HYAL4: variants seen among roughly 807,000 people sequenced by gnomAD.
HYAL4 encodes the protein hyaluronidase 4.
HYAL4 carries 37 observed loss-of-function variants against 35.2 expected under a neutral mutation model. That is an observed-to-expected ratio of 1.05 (90% CI 0.81 to 1.38). HYAL4 has a LOEUF of 1.38. Ranked by LOEUF, HYAL4 falls within the 40% of genes most tolerant of loss-of-function variation. The pLI is 0.00. For synonymous variants in HYAL4, 198 were observed against 203.2 expected (o/e 0.97, Z 0.22); for missense variants, 572 against 572.4 (o/e 1.00, Z 0.01).
chr7:123,856,411 T>C (rs375957249), intron 2 of HYAL4, among the ~76,000 whole-genome samples: 8 of 152,322 alleles, frequency 5.3e-5, no homozygotes, highest in African/African-American at 1.9e-4. Flanking sequence ...GTTGATGTTA[T>C]TGCTTTCTGT....
At chr7:123,827,950 A>G (rs182507808), upstream of HYAL4, among the ~76,000 whole-genome samples, 13 of 152,324 alleles carry the variant, frequency 8.5e-5, no homozygotes, top group East Asian at 2.5e-3. Flanking sequence ...GTATGGATCA[A>G]GGCAGACATT....
chr7:123,838,084 G>C (rs1012325391), intron 1 of HYAL4, among the ~76,000 whole-genome samples: 1 of 152,098 alleles, frequency 6.6e-6, no homozygotes, highest in Admixed American at 6.6e-5. Context: ...GATCCCTGAG[G>C]AATTGCCACA....
At chr7:123,842,226 C>G (rs1049720927), upstream of HYAL4, among the ~76,000 whole-genome samples, 2 of 152,008 alleles carry the variant, frequency 1.3e-5, no homozygotes, top group African/African-American at 4.8e-5. Context: ...AAAAGAACAT[C>G]TTTATTCCTG....
At chr7:123,789,824 A>ATG in the HYAL4 span, among the ~76,000 whole-genome samples, 3 of 151,782 alleles carry the variant, frequency 2.0e-5, no homozygotes, top group East Asian at 1.9e-4. Context: ...ATGTATGTGT[A>ATG]TGTGTGTGTG....
At chr7:123,777,956 A>G in the HYAL4 span, among the ~76,000 whole-genome samples, 3 of 151,640 alleles carry the variant, frequency 2.0e-5, no homozygotes, top group Non-Finnish European at 4.4e-5. Flanking sequence ...GGTTTTATTA[A>G]TTTATAATTG....
At chr7:123,871,317 A>G (rs1232285872) in intron 3 of HYAL4, among the ~76,000 whole-genome samples, 1 of 151,592 alleles carries the variant, frequency 6.6e-6, no homozygotes, top group Non-Finnish European at 1.5e-5. Context: ...TCAGCCTCCA[A>G]GTAGCTGAGG....
At chr7:123,838,946 C>T (rs1164094696) in intron 1 of HYAL4, among the ~76,000 whole-genome samples, 1 of 151,578 alleles carries the variant, frequency 6.6e-6, no homozygotes, top group Non-Finnish European at 1.5e-5. Context: ...TTTTGCATTT[C>T]CATAAGTGCA....
In HYAL4 at chr7:123,869,061, G is replaced by T; in HGVS notation, c.788G>T (p.Gly263Val). Residue 263 changes from glycine to valine, a missense_variant, in exon 3 of 5, where the codon GGT (glycine) becomes GTT (valine). By Grantham distance (109) the Gly-to-Val change is moderately radical (BLOSUM62 -3). Coordinates refer to ENST00000223026, the MANE Select transcript of HYAL4 (RefSeq NM_012269.3). ...AGTGCTGCTTTATATCCTTCTATCG[G>T]TGTCTGGAAATCCCTTGGAGACAGT... ...NSSAALYPSI[G>V]VWKSLGDSEN... 1.9e-6 allele frequency: 3 copies of T among 1,614,174 alleles called. No homozygotes were observed. The highest frequency in any genetic ancestry group is 2.5e-6 in the Non-Finnish European group (3 of 1,180,024).
the HYAL4 span, among the ~76,000 whole-genome samples, chr7:123,823,729 T>A: frequency 6.8e-6 from 1 of 146,112 alleles, no homozygotes; most frequent in Admixed American, 6.9e-5. Context: ...CATATATATT[T>A]TATATATATA....
chr7:123,840,201 A>G (rs891894641), upstream of HYAL4, among the ~76,000 whole-genome samples: 14 of 152,204 alleles, frequency 9.2e-5, no homozygotes, highest in African/African-American at 2.4e-4. Context: ...AGCTTTCTAC[A>G]TATGGCTAGC....
the HYAL4 span, among the ~76,000 whole-genome samples, chr7:123,782,542 G>T: frequency 6.6e-6 from 1 of 151,464 alleles, no homozygotes; most frequent in Admixed American, 6.6e-5. Context: ...CCCTATAAAA[G>T]TAGGGTGACC....
At chr7:123,833,890 A>C (rs377479462) in intron 1 of HYAL4, among the ~76,000 whole-genome samples, 1 of 152,020 alleles carries the variant, frequency 6.6e-6, no homozygotes, top group South Asian at 2.1e-4. Context: ...AGATCAGCTG[A>C]CTGTAAGTAT....
chr7:123,791,748 T>C, the HYAL4 span, among the ~76,000 whole-genome samples: 1 of 152,186 alleles, frequency 6.6e-6, no homozygotes, highest in Admixed American at 6.5e-5. Context: ...ACGGCCTCCT[T>C]GGGTGAGCTG....
the HYAL4 span, among the ~76,000 whole-genome samples, chr7:123,781,621 A>G: frequency 2.0e-5 from 3 of 152,164 alleles, no homozygotes; most frequent in South Asian, 6.2e-4. Context: ...TGCACTTGAA[A>G]TGTGGCTAGT....
chr7:123,843,388 C>G (rs1448940194), upstream of HYAL4, among the ~76,000 whole-genome samples: 1 of 152,052 alleles, frequency 6.6e-6, no homozygotes, highest in Non-Finnish European at 1.5e-5. Context: ...TAATGGGCTT[C>G]CCTTTGTTGG....
At chr7:123,815,379 C>G in the HYAL4 span, among the ~76,000 whole-genome samples, 1 of 152,134 alleles carries the variant, frequency 6.6e-6, no homozygotes, top group Admixed American at 6.6e-5. Flanking sequence ...AAGGTAACAG[C>G]AATTTTCCAA....
the HYAL4 span, among the ~76,000 whole-genome samples, chr7:123,768,770 G>A: frequency 6.6e-6 from 1 of 152,134 alleles, no homozygotes; most frequent in Non-Finnish European, 1.5e-5. Context: ...GTTTCAAGAG[G>A]AATTACTTTG....
At chr7:123,805,202 A>T in the HYAL4 span, among the ~76,000 whole-genome samples, 1 of 152,224 alleles carries the variant, frequency 6.6e-6, no homozygotes, top group African/African-American at 2.4e-5. Flanking sequence ...TCTTCTCTTC[A>T]ATTATGCTAG....
chr7:123,869,716 T>A (rs1225706992), intron 3 of HYAL4, among the ~76,000 whole-genome samples: 1 of 151,996 alleles, frequency 6.6e-6, no homozygotes, highest in Admixed American at 6.6e-5. Context: ...ATGGAGTTTT[T>A]TGTTCTTGTC....
Sources: allele counts gnomAD v4.1 joint callset (sites outside exome capture counted in the v4.1 genomes callset), GRCh38; gene constraint gnomAD v4.1.1; transcripts MANE v1.5; gene names NCBI Gene and HGNC (gene_info 2026-07-23, HGNC 2026-07-21).